KCNC2: variants seen among roughly 807,000 people sequenced by gnomAD.
KCNC2 encodes voltage-gated potassium channel KCNC2.
A neutral mutation model predicts 44.5 loss-of-function variants in KCNC2; 21 were observed. The observed-to-expected ratio is 0.47, with a 90% CI of 0.33 to 0.68. The LOEUF is 0.68. KCNC2 is among the 30% of genes least tolerant of loss of function. KCNC2 has a pLI of 0.01. For synonymous variants in KCNC2, 391 were observed against 339.1 expected, an observed-to-expected ratio of 1.15 and a Z score of -1.68; for missense variants, 589 against 826.2, an observed-to-expected ratio of 0.71 and a Z score of 3.52.
intron 2 of KCNC2, among the ~76,000 whole-genome samples, chr12:75,131,885 T>C (rs978783390): frequency 6.6e-6 from 1 of 152,150 alleles, no homozygotes. Flanking sequence ...CAGGAAGGAA[T>C]ACCGTTGAGC....
At chr12:75,107,926 A>G (rs1413671903) in intron 2 of KCNC2, among the ~76,000 whole-genome samples, 1 of 152,206 alleles carries the variant, frequency 6.6e-6, no homozygotes, top group Non-Finnish European at 1.5e-5. Context: ...TTCAAATTCT[A>G]TATTCACATT....
intron 2 of KCNC2, among the ~76,000 whole-genome samples, chr12:75,086,172 ACTACTTAGCT>A (rs1455846904): frequency 6.6e-6 from 1 of 152,056 alleles, no homozygotes; most frequent in Admixed American, 6.6e-5. Context: ...TCAAGAAGCT[ACTACTTAGCT>A]CTAAAAACCA....
intron 2 of KCNC2, among the ~76,000 whole-genome samples, chr12:75,191,927 T>A (rs906811333): frequency 2.0e-5 from 3 of 152,156 alleles, no homozygotes; most frequent in African/African-American, 7.2e-5. Flanking sequence ...TTTTACCTAA[T>A]CTCTATAATA....
intron 2 of KCNC2, among the ~76,000 whole-genome samples, chr12:75,107,649 A>G (rs1351813078): frequency 9.4e-6 from 1 of 106,018 alleles, no homozygotes; most frequent in Non-Finnish European, 2.0e-5. Context: ...CTCGCAAGTA[A>G]CACAGTTACA....
At chr12:75,071,561 AC>A (rs1020436772) in intron 2 of KCNC2, among the ~76,000 whole-genome samples, 3 of 152,244 alleles carry the variant, frequency 2.0e-5, no homozygotes, top group African/African-American at 7.2e-5. Context: ...CTAAAACTGT[AC>A]CCCACCCAAT....
intron 2 of KCNC2, among the ~76,000 whole-genome samples, chr12:75,085,377 G>A (rs1237181881): frequency 1.3e-5 from 2 of 151,976 alleles, no homozygotes; most frequent in African/African-American, 4.8e-5. Context: ...AGGAAGAGGG[G>A]GAGAATTATA....
At chr12:75,197,806 A>G (rs1430179423) in intron 2 of KCNC2, among the ~76,000 whole-genome samples, 1 of 152,004 alleles carries the variant, frequency 6.6e-6, no homozygotes, top group Non-Finnish European at 1.5e-5. Flanking sequence ...AAAAGACTAT[A>G]GTGATAAAGA....
At chr12:75,122,633 G>A (rs1033467408) in intron 2 of KCNC2, among the ~76,000 whole-genome samples, 4 of 152,034 alleles carry the variant, frequency 2.6e-5, no homozygotes, top group Admixed American at 1.3e-4. Flanking sequence ...TAGAATTTTC[G>A]TAGTTGGTCT....
chr12:75,052,262 C>A (rs1881257937), intron 2 of KCNC2, among the ~76,000 whole-genome samples: 1 of 152,086 alleles, frequency 6.6e-6, no homozygotes, highest in Admixed American at 6.6e-5. Flanking sequence ...AGCTACTTTT[C>A]CATGGTCATA....
At chr12:75,159,983 A>C (rs1299980065) in intron 2 of KCNC2, among the ~76,000 whole-genome samples, 1 of 151,866 alleles carries the variant, frequency 6.6e-6, no homozygotes, top group Non-Finnish European at 1.5e-5. Context: ...TAACTGAAAA[A>C]TATATAAATG....
chr12:75,073,209 A>T (rs1430439945), intron 2 of KCNC2, among the ~76,000 whole-genome samples: 1 of 152,178 alleles, frequency 6.6e-6, no homozygotes, highest in Non-Finnish European at 1.5e-5. Context: ...AACAAATGTT[A>T]TCATGCCGGA....
intron 2 of KCNC2, among the ~76,000 whole-genome samples, chr12:75,077,969 G>A (rs902003438): frequency 2.6e-5 from 4 of 151,928 alleles, no homozygotes; most frequent in African/African-American, 7.3e-5. Flanking sequence ...GAAATCCATA[G>A]TTATTATTGT....
intron 2 of KCNC2, among the ~76,000 whole-genome samples, chr12:75,189,968 C>T (rs1411690860): frequency 6.6e-6 from 1 of 152,132 alleles, no homozygotes; most frequent in Non-Finnish European, 1.5e-5. Context: ...ATAAATACCA[C>T]CGGTTATTAG....
At chr12:75,208,135 GGGAGGGGATCA>G in intron 1 of KCNC2, 133 bp from the exon 2 acceptor site, 1 of 993,556 alleles carries the variant, frequency 1.0e-6, no homozygotes, top group Non-Finnish European at 1.5e-6. Context: ...GACCCTCCCC[GGGAGGGGATCA>G]GCGTCCAGCG....
chr12:75,170,974 GC>G (rs1369268365), intron 2 of KCNC2, among the ~76,000 whole-genome samples: 2 of 151,672 alleles, frequency 1.3e-5, no homozygotes, highest in Non-Finnish European at 2.9e-5. Context: ...ATTCTTGCTA[GC>G]TGTCAGCTTG....
At chr12:75,071,080 C>T (rs1883353321) in intron 2 of KCNC2, among the ~76,000 whole-genome samples, 1 of 152,034 alleles carries the variant, frequency 6.6e-6, no homozygotes, top group East Asian at 1.9e-4. Context: ...TGAAGCATAT[C>T]TTCACCATTT....
Position 75,040,364 on chromosome 12 carries a change from C to T in KCNC2, c.*2741G>A, listed in dbSNP as rs1879771063. 6.6e-6 allele frequency: 1 copy of T among 152,062 alleles called. No individual in the cohort carries two copies. Among genetic ancestry groups the T allele is most frequent in the Admixed American group, 6.6e-5 (1 of 15,218 alleles). The allele number at this position is 152,062 out of a possible 1,614,324, so 9.4% of individuals were successfully genotyped here. On this transcript the variant is annotated 3_prime_UTR_variant, in exon 5 of 5. Transcript: ENST00000549446. ...TAAAGACACGTACAAGCTTCATTTG[C>T]CACAAAACTCACAAAAAAGTAATTG...
At chr12:75,194,375 T>C (rs756575661) in intron 2 of KCNC2, among the ~76,000 whole-genome samples, 19 of 152,110 alleles carry the variant, frequency 1.2e-4, no homozygotes, top group Non-Finnish European at 2.4e-4. Flanking sequence ...ACTCCAAGAA[T>C]TGCAACCACC....
chr12:75,086,443 T>G (rs999545463), intron 2 of KCNC2, among the ~76,000 whole-genome samples: 1 of 152,002 alleles, frequency 6.6e-6, no homozygotes, highest in African/African-American at 2.4e-5. Flanking sequence ...TTTTGTATGT[T>G]AATTTGCTTG....
Sources: gnomAD v4.1 joint callset for allele counts (sites outside exome capture counted in the v4.1 genomes callset) on GRCh38, gnomAD v4.1.1 for gene constraint, MANE v1.5 for transcripts, NCBI Gene and HGNC (gene_info 2026-07-23, HGNC 2026-07-21) for gene names.